ARID1A: variants seen among roughly 807,000 people sequenced by gnomAD.
ARID1A encodes AT-rich interactive domain-containing protein 1A.
A neutral mutation model predicts 212.6 loss-of-function variants in ARID1A; 20 were observed. The observed-to-expected ratio is 0.09, with a 90% confidence interval of 0.07 to 0.14. The LOEUF (loss-of-function observed/expected upper bound fraction) is 0.14, where lower values mean the gene tolerates loss of function less well. Among genes scored for constraint, ARID1A ranks in the 10% least tolerant of loss-of-function variants. ARID1A has a pLI of 1.00. For synonymous variants in ARID1A, 1,376 were observed against 1,222.1 expected, an observed-to-expected ratio of 1.13 and a Z score of -2.63; for missense variants, 2,587 against 3,059.0, an observed-to-expected ratio of 0.85 and a Z score of 3.64.
At chr1:26,733,034 A>G (rs549731782) in intron 4 of ARID1A, among the ~76,000 whole-genome samples, 152 of 152,308 alleles carry the variant, frequency 1.0e-3, no homozygotes, top group Middle Eastern at 6.8e-3. Context: ...ACATGGACCC[A>G]CATGAGGGGC....
At chr1:26,731,814 G>A (rs993321351) in intron 3 of ARID1A, among the ~76,000 whole-genome samples, 5 of 152,158 alleles carry the variant, frequency 3.3e-5, no homozygotes, top group Admixed American at 3.3e-4. Context: ...CCTTAATGAT[G>A]AAGAAATAGG....
At chr1:26,725,735 A>G (rs191825472) in intron 1 of ARID1A, among the ~76,000 whole-genome samples, 34 of 152,200 alleles carry the variant, frequency 2.2e-4, no homozygotes, top group African/African-American at 7.5e-4. Context: ...GCTGTACTCA[A>G]TTGGGAGCGC....
At chr1:26,697,984 A>T (rs1020059554) in intron 1 of ARID1A, among the ~76,000 whole-genome samples, 6 of 151,848 alleles carry the variant, frequency 4.0e-5, no homozygotes, top group African/African-American at 1.2e-4. Flanking sequence ...GCCGCCCCCC[A>T]TCTGTGCTTT....
rs2080565324 is a variant in ARID1A at position 26,721,575 on chromosome 1, A to G, written c.1138-8076A>G. 2.0e-5 allele frequency among the ~76,000 whole-genome samples: 3 copies of G among 152,160 alleles called. No homozygotes were observed. The South Asian group carries it at 6.2e-4, about 31-fold the overall frequency. On this transcript the variant is annotated intron_variant, in intron 1 of 19. Transcript: ENST00000324856. ...CTTGGTTTCCTTAGTGGCTTTTGTAATTTGTTTGAAATAGGGAGAAATTGG... is the reference window on the plus strand; with the variant it reads ...CTTGGTTTCCTTAGTGGCTTTTGTAGTTTGTTTGAAATAGGGAGAAATTGG...
intron 11 of ARID1A, chr1:26,770,860 C>T (rs2081077480): frequency 2.1e-6 from 1 of 476,316 alleles, no homozygotes. Context: ...AATTCTGTTC[C>T]AGTAGTAATG....
Position 26,780,352 on chromosome 1 carries a change from G to T in ARID1A, c.6454G>T (p.Val2152Leu), listed in dbSNP as rs754498428. 2 of 1,614,220 alleles carry T rather than the reference G, an allele frequency of 1.2e-6. No individual in the cohort carries two copies. Among genetic ancestry groups the T allele is most frequent in the Admixed American group, 1.7e-5 (1 of 60,020 alleles). Residue 2152 changes from valine to leucine, a missense_variant, in exon 20 of 20, where the codon GTG becomes TTG. By Grantham distance (32) the Val-to-Leu change is conservative. Transcript: ENST00000324856. This position sits in a 1 kb window ranked among gnomAD's most constrained non-coding sequence, Gnocchi z 7.2. ...CCTGGAGAAGTTGTATAGCACTATG[G>T]TGCGCTTCCTCAGTGACCGAAAGAA... ...SRLEKLYSTM[V>L]RFLSDRKNPV...
Position 26,774,848 on chromosome 1 carries a change from C to T in ARID1A, c.4621C>T (p.His1541Tyr), listed in dbSNP as rs765512812. ...GCTGCACACAGATCAGAGGGCCAACCACGAAGGCTCGTGGCCTTCCCATGG... is the reference window on the plus strand; with the variant it reads ...GCTGCACACAGATCAGAGGGCCAACTACGAAGGCTCGTGGCCTTCCCATGG... ...EMLHTDQRAN[H>Y]EGSWPSHGTR... Residue 1541 changes from histidine to tyrosine, a missense_variant, in exon 18 of 20, where the codon CAC becomes TAC. By Grantham distance (83) the His-to-Tyr change is moderately conservative. Transcript: ENST00000324856. This position sits in a 1 kb window ranked among gnomAD's most constrained non-coding sequence, Gnocchi z 5.6. The T allele has an allele frequency of 1.9e-6, 3 of 1,608,034 alleles. No homozygotes were observed. The highest frequency in any genetic ancestry group is 2.6e-6 in the Non-Finnish European group (3 of 1,175,878).
At chr1:26,708,430 G>A (rs1025343511) in intron 1 of ARID1A, among the ~76,000 whole-genome samples, 15 of 150,860 alleles carry the variant, frequency 9.9e-5, no homozygotes, top group South Asian at 2.1e-4. Flanking sequence ...GATTACAGGT[G>A]CCCACCACCA....
At chr1:26,732,480 A>G (rs796176566) in intron 3 of ARID1A, among the ~76,000 whole-genome samples, 196 bp from the exon 4 acceptor site, 5 of 152,330 alleles carry the variant, frequency 3.3e-5, no homozygotes, top group African/African-American at 7.2e-5. Flanking sequence ...ATGGGTGACA[A>G]TTCTGTCAGA....
chr1:26,761,905 G>T lies in ARID1A; in HGVS notation c.2252-247G>T, dbSNP rs1227105885. On this transcript the variant is annotated intron_variant, in intron 6 of 19. Transcript: ENST00000324856. Reference sequence around the variant, plus strand: ...TTCACTCATCAAGTCATTCATTTTGGTTTTTGTCATTGTTCTTTGTCTTTT... The same window carrying T: ...TTCACTCATCAAGTCATTCATTTTGTTTTTTGTCATTGTTCTTTGTCTTTT... 5.9e-5 allele frequency among the ~76,000 whole-genome samples: 9 copies of T among 152,168 alleles called. No homozygotes were observed. In the East Asian group the frequency reaches 1.4e-3, roughly 23 times the overall value.
At chr1:26,719,935 C>T (rs1435210527) in intron 1 of ARID1A, among the ~76,000 whole-genome samples, 2 of 139,270 alleles carry the variant, frequency 1.4e-5, no homozygotes, top group African/African-American at 5.4e-5. Flanking sequence ...AAGTGAAAGT[C>T]CGTCTCAAAA....
At chr1:26,738,466 A>G (rs1035042092) in intron 4 of ARID1A, among the ~76,000 whole-genome samples, 2 of 152,198 alleles carry the variant, frequency 1.3e-5, no homozygotes, top group Middle Eastern at 3.2e-3. Context: ...GCTTATTGCC[A>G]TAGTGCCTGG....
intron 4 of ARID1A, among the ~76,000 whole-genome samples, chr1:26,736,628 C>CAAAAA (rs71007890): frequency 2.7e-5 from 2 of 74,016 alleles, no homozygotes; most frequent in African/African-American, 1.0e-4. Flanking sequence ...GACTCTGTCT[C>CAAAAA]AAAAAAAAAA....
intron 19 of ARID1A, 194 bp from the exon 20 acceptor site, chr1:26,778,829 G>A (rs2081162021): frequency 2.0e-6 from 1 of 502,396 alleles, no homozygotes; most frequent in Non-Finnish European, 3.4e-6. Flanking sequence ...GGTAGGTTGG[G>A]CAGAAGAAAG....
At chr1:26,699,435 A>C (rs2080311238) in intron 1 of ARID1A, among the ~76,000 whole-genome samples, 1 of 152,070 alleles carries the variant, frequency 6.6e-6, no homozygotes, top group Non-Finnish European at 1.5e-5. Context: ...CTAGGAGGAA[A>C]TTTTGTTCAC....
chr1:26,742,743 G>T (rs2080799904), intron 4 of ARID1A, among the ~76,000 whole-genome samples: 1 of 152,102 alleles, frequency 6.6e-6, no homozygotes, highest in Admixed American at 6.6e-5. Flanking sequence ...GGCTGAGGCG[G>T]GTGGATCATG....
chr1:26,762,231 C>T lies in ARID1A; in HGVS notation c.2331C>T (p.Ser777=), dbSNP rs533343799. 35 of 1,614,184 alleles carry T rather than the reference C, an allele frequency of 2.2e-5. No homozygotes were observed. Among genetic ancestry groups the T allele is most frequent in the East Asian group, 1.1e-4 (5 of 44,892 alleles). ...PGSALSPRQP[S]GGQIHTGMGS... ...CAGCCTTATCTCCGCGTCAGCCTTC[C>T]GGAGGACAGATACACACAGGCATGG... The change falls in exon 7 of 20, where the codon TCC becomes TCT. Residue 777 remains serine (S), a synonymous_variant. Coordinates refer to ENST00000324856, the MANE Select transcript of ARID1A (RefSeq NM_006015.6).
Position 26,779,752 on chromosome 1 carries a change from A to T in ARID1A, c.5854A>T (p.Ile1952Phe), listed in dbSNP as rs767009507. 1 of 1,614,200 alleles carries T rather than the reference A, an allele frequency of 6.2e-7. No individual in the cohort carries two copies. Residue 1952 changes from isoleucine to phenylalanine, a missense_variant, in exon 20 of 20, where the codon ATC becomes TTC. Coordinates refer to ENST00000324856, the MANE Select transcript of ARID1A (RefSeq NM_006015.6). ...GISPAQSHRN[I>F]KILEDEPHSK... ...TAGCCCAGCACAGAGCCACCGGAACATCAAGATCCTAGAGGACGAACCCCA... is the reference window on the plus strand; with the variant it reads ...TAGCCCAGCACAGAGCCACCGGAACTTCAAGATCCTAGAGGACGAACCCCA...
intron 4 of ARID1A, among the ~76,000 whole-genome samples, chr1:26,742,166 C>A (rs1052222450): frequency 6.6e-6 from 1 of 152,204 alleles, no homozygotes; most frequent in Non-Finnish European, 1.5e-5. Context: ...AGGCAAAAAA[C>A]TCAACTCTTT....
Sources: allele counts gnomAD v4.1 joint callset (sites outside exome capture counted in the v4.1 genomes callset), GRCh38; gene constraint gnomAD v4.1.1; non-coding constraint Gnocchi (gnomAD v3.1); transcripts MANE v1.5; gene names NCBI Gene and HGNC (gene_info 2026-07-23, HGNC 2026-07-21).